Variants in SGCG observed in about 807,000 individuals in gnomAD.
SGCG encodes the protein sarcoglycan gamma, also known as gamma-sarcoglycan.
Under a neutral mutation model 29.3 loss-of-function variants are expected in SGCG, and 26 were observed. The ratio of observed to expected loss-of-function variants is 0.89; its 90% confidence interval spans 0.65 to 1.23. The LOEUF (loss-of-function observed/expected upper bound fraction) is 1.23. SGCG is among the 50% of genes most tolerant of loss of function. The probability of loss-of-function intolerance (pLI) is 0.00; values close to 1 mark genes in which losing one functional copy is unlikely to be tolerated. For synonymous variants in SGCG, 145 were observed against 129.7 expected, an observed-to-expected ratio of 1.12 and a Z score of -0.80; for missense variants, 353 against 356.0, an observed-to-expected ratio of 0.99 and a Z score of 0.07.
intron 2 of SGCG, among the ~76,000 whole-genome samples, chr13:23,231,457 C>T (rs1311444485): frequency 1.3e-5 from 2 of 151,970 alleles, no homozygotes; most frequent in African/African-American, 4.8e-5. Context: ...TTAGCTACCA[C>T]AGAAGCTAGG....
chr13:23,303,698 A>G (rs1882259730), intron 6 of SGCG, among the ~76,000 whole-genome samples: 4 of 152,214 alleles, frequency 2.6e-5, no homozygotes, highest in Admixed American at 2.6e-4. Flanking sequence ...ATTTATTTAC[A>G]ATGTGCTTGT....
chr13:23,241,338 C>T (rs1879504880), intron 3 of SGCG, among the ~76,000 whole-genome samples: 1 of 140,590 alleles, frequency 7.1e-6, no homozygotes, highest in Admixed American at 7.2e-5. Context: ...CTACCATGAA[C>T]AAGTATTTGT....
intron 1 of SGCG, among the ~76,000 whole-genome samples, chr13:23,188,262 A>G (rs1406209556): frequency 6.9e-6 from 1 of 144,700 alleles, no homozygotes; most frequent in African/African-American, 2.6e-5. Context: ...GCAGGTTCAG[A>G]TCTTGGTAGG....
intron 2 of SGCG, among the ~76,000 whole-genome samples, chr13:23,220,014 T>A (rs1878596949): frequency 1.4e-5 from 2 of 146,126 alleles, no homozygotes; most frequent in Admixed American, 6.9e-5. Flanking sequence ...TTTTTTTTTC[T>A]GTATTTTTAG....
intron 3 of SGCG, among the ~76,000 whole-genome samples, chr13:23,238,752 G>C (rs1448631598): frequency 6.6e-6 from 1 of 152,096 alleles, no homozygotes; most frequent in Non-Finnish European, 1.5e-5. Context: ...AATATGGAAA[G>C]ACAGAAAAAA....
At chr13:23,222,382 T>C (rs1878704909) in intron 2 of SGCG, among the ~76,000 whole-genome samples, 1 of 8,460 alleles carries the variant, frequency 1.2e-4, no homozygotes, top group African/African-American at 3.2e-4. Flanking sequence ...AAAAGTTTGT[T>C]TTATTTTTAC....
At chr13:23,295,361 T>C (rs371368177) in intron 5 of SGCG, 54 bp from the exon 6 acceptor site, 9 of 1,272,990 alleles carry the variant, frequency 7.1e-6, no homozygotes, top group Non-Finnish European at 1.0e-5. Context: ...GTTTATTTTG[T>C]TTGGTGTCAC....
chr13:23,239,124 G>A (rs1490840980), intron 3 of SGCG, among the ~76,000 whole-genome samples: 1 of 151,888 alleles, frequency 6.6e-6, no homozygotes, highest in African/African-American at 2.4e-5. Context: ...CATGTTCAAT[G>A]AACCCCAAAC....
At chr13:23,200,704 G>T (rs924879340) in intron 1 of SGCG, among the ~76,000 whole-genome samples, 3 of 152,270 alleles carry the variant, frequency 2.0e-5, no homozygotes, top group Non-Finnish European at 4.4e-5. Flanking sequence ...GAGCTCTGTG[G>T]TGGTGTTGGT....
chr13:23,217,360 A>T (rs978689856), intron 2 of SGCG: 1 of 151,944 alleles, frequency 6.6e-6, no homozygotes, highest in Non-Finnish European at 1.5e-5. Flanking sequence ...CATTGTTTTC[A>T]TATATATATG....
Position 23,324,606 on chromosome 13 carries a change from C to G in SGCG, c.*65C>G. 1.1e-5 allele frequency: 16 copies of G among 1,435,524 alleles called. No homozygotes were observed. In the South Asian group the frequency reaches 1.7e-4, roughly 16 times the overall value. 88.9% of individuals were successfully genotyped at this position (1,435,524 alleles called of 1,614,324 possible). On this transcript the variant is annotated 3_prime_UTR_variant, in exon 8 of 8. Coordinates refer to ENST00000218867, the MANE Select transcript of SGCG (RefSeq NM_000231.3). ...CCAGATCCTCACACCCAGGGAGCAGCTGCACATCGTGAAAGACTGAGGCAG... is the reference window on the plus strand; with the variant it reads ...CCAGATCCTCACACCCAGGGAGCAGGTGCACATCGTGAAAGACTGAGGCAG...
intron 2 of SGCG, among the ~76,000 whole-genome samples, chr13:23,224,718 A>AT (rs59473932): frequency 0.093 from 14,042 of 151,228 alleles, 857 homozygotes; most frequent in South Asian, 0.19. Context: ...TAGCGAGTAC[A>AT]TTTTTTCCTA....
chr13:23,206,922 A>G (rs929237398), intron 2 of SGCG, among the ~76,000 whole-genome samples: 2 of 152,230 alleles, frequency 1.3e-5, no homozygotes, highest in African/African-American at 2.4e-5. Context: ...TGCAATTCCC[A>G]TCAAAATTCC....
chr13:23,204,718 T>G (rs1877918086), intron 2 of SGCG, among the ~76,000 whole-genome samples: 1 of 148,924 alleles, frequency 6.7e-6, no homozygotes, highest in African/African-American at 2.5e-5. Flanking sequence ...TTTTTTTTTT[T>G]TTTTTGAGAC....
intron 3 of SGCG, among the ~76,000 whole-genome samples, chr13:23,238,427 G>A (rs1198480227): frequency 6.6e-6 from 1 of 152,188 alleles, no homozygotes; most frequent in African/African-American, 2.4e-5. Context: ...CCCACTCTAA[G>A]GGAGCAGAAG....
In SGCG at chr13:23,320,647, C is replaced by T; in HGVS notation, c.589C>T (p.Pro197Ser). The T allele has an allele frequency of 6.3e-7, 1 of 1,581,688 alleles. No individual in the cohort carries two copies. Among genetic ancestry groups the T allele is most frequent in the Non-Finnish European group, 8.6e-7 (1 of 1,160,810 alleles). ...TTTTCCTCATCTCAGATTAGAATCC[C>T]CCACTCGGAGTCTAAGCATGGATGC... is the stretch of plus-strand genomic sequence containing the variant. ...DPFQDLRLES[P>S]TRSLSMDAPR... The change falls in exon 7 of 8, where the codon CCC becomes TCC. Residue 197 changes from proline (P) to serine (S), a missense_variant. Coordinates refer to ENST00000218867, the MANE Select transcript of SGCG (RefSeq NM_000231.3).
In SGCG at chr13:23,188,311, C is replaced by CTTTTTTTTTTTTT. The variant is rs71100159; in HGVS notation, c.-1+7255_-1+7267dup. Among the ~76,000 whole-genome samples, 4 of 78,366 alleles carry CTTTTTTTTTTTTT rather than the reference C, an allele frequency of 5.1e-5. 1 individual carries two copies. Among genetic ancestry groups the CTTTTTTTTTTTTT allele is most frequent in the Admixed American group, 3.5e-4 (2 of 5,794 alleles). 51.4% of individuals were successfully genotyped at this position (78,366 alleles called of 152,430 possible). ...CGTCTGAACACATCTTTTACTAAGG[C>CTTTTTTTTTTTTT]TTTTTTTTTTTTTTTTTTTTTTTTT... On this transcript the variant is annotated intron_variant, in intron 1 of 7. Coordinates refer to ENST00000218867, the MANE Select transcript of SGCG (RefSeq NM_000231.3).
intron 2 of SGCG, among the ~76,000 whole-genome samples, chr13:23,221,091 T>C (rs1878639905): frequency 6.6e-6 from 1 of 152,180 alleles, no homozygotes; most frequent in African/African-American, 2.4e-5. Context: ...CATTATTCCT[T>C]TTACAAGGAA....
At chr13:23,307,433 T>TA (rs1008296124) in intron 6 of SGCG, among the ~76,000 whole-genome samples, 3 of 152,196 alleles carry the variant, frequency 2.0e-5, no homozygotes, top group African/African-American at 7.2e-5. Flanking sequence ...TTTCGTGAGT[T>TA]AAAAAAAGTT....
Sources: gnomAD v4.1 joint callset for allele counts (sites outside exome capture counted in the v4.1 genomes callset) on GRCh38, gnomAD v4.1.1 for gene constraint, MANE v1.5 for transcripts, NCBI Gene and HGNC (gene_info 2026-07-23, HGNC 2026-07-21) for gene names.